SV2B: variants seen among roughly 807,000 people sequenced by gnomAD.
SV2B encodes synaptic vesicle glycoprotein 2B, also known as solute carrier family 22 member B2.
Under a neutral mutation model 73.9 loss-of-function variants are expected in SV2B, and 41 were observed. That is an observed-to-expected ratio of 0.56 (90% CI 0.43 to 0.72). The LOEUF (loss-of-function observed/expected upper bound fraction) is 0.72. SV2B is among the 30% of genes least tolerant of loss of function. SV2B has a pLI of 0.00. For missense variants in SV2B, 764 were observed against 857.8 expected (o/e 0.89, Z 1.37); for synonymous variants, 314 against 314.2 (o/e 1.00, Z 0.01).
chr15:91,251,325 T>C (rs2047473371), intron 2 of SV2B, among the ~76,000 whole-genome samples: 1 of 152,238 alleles, frequency 6.6e-6, no homozygotes, highest in Non-Finnish European at 1.5e-5. Context: ...AGACATTGGT[T>C]GTAGCTTGAA....
chr15:91,280,417 A>G lies in SV2B; in HGVS notation c.1374-1311A>G, dbSNP rs956337353. On this transcript the variant is annotated intron_variant, in intron 9 of 12. Coordinates refer to ENST00000394232, the MANE Select transcript of SV2B (RefSeq NM_001323032.3). The surrounding 1 kb of genome is among the most constrained non-coding windows in gnomAD (Gnocchi z 5.8). ...CCAATTAGACTGGAGAGCAGGGACC[A>G]TGACTTTCCTCTCTATACTCATAGC... 2.0e-5 allele frequency among the ~76,000 whole-genome samples: 3 copies of G among 152,214 alleles called. No individual in the cohort carries two copies. The highest frequency in any genetic ancestry group is 4.4e-5 in the Non-Finnish European group (3 of 68,032).
chr15:91,101,518 T>A (rs1249300409), intron 1 of SV2B, among the ~76,000 whole-genome samples: 2 of 152,212 alleles, frequency 1.3e-5, no homozygotes, highest in East Asian at 3.9e-4. Flanking sequence ...GGTTCACACC[T>A]GGTAGGGGGA....
rs1001759477 is a variant in SV2B, at chr15:91,110,649, G to A, written c.-392+10286G>A. Reference sequence around the variant, plus strand: ...TCTGCGGGAGAGGAAGAGGCACCGTGGGGTGGCCTGCCCTAGGCAAAGTGC... The same window carrying A: ...TCTGCGGGAGAGGAAGAGGCACCGTAGGGTGGCCTGCCCTAGGCAAAGTGC... On this transcript the variant is annotated intron_variant, in intron 1 of 12. Transcript: ENST00000394232. The surrounding 1 kb of genome is among the most constrained non-coding windows in gnomAD (Gnocchi z 5.4). Among the ~76,000 whole-genome samples the A allele has an allele frequency of 2.0e-5, 3 of 152,140 alleles. No individual in the cohort carries two copies. Among genetic ancestry groups the A allele is most frequent in the African/African-American group, 7.2e-5 (3 of 41,432 alleles).
At chr15:91,207,047 T>A (rs1049815058) in intron 1 of SV2B, among the ~76,000 whole-genome samples, 44 of 150,634 alleles carry the variant, frequency 2.9e-4, no homozygotes, top group African/African-American at 3.7e-4. Context: ...TTTAAAAAAA[T>A]TTTTTTTTTG....
chr15:91,106,007 G>A lies in SV2B; in HGVS notation c.-392+5644G>A, dbSNP rs929026099. Among the ~76,000 whole-genome samples the A allele has an allele frequency of 2.0e-5, 3 of 152,108 alleles. No individual in the cohort carries two copies. The highest frequency in any genetic ancestry group is 2.9e-5 in the Non-Finnish European group (2 of 68,028). On this transcript the variant is annotated intron_variant, in intron 1 of 12. Transcript: ENST00000394232. This position sits in a 1 kb window ranked among gnomAD's most constrained non-coding sequence, Gnocchi z 4.4. ...CGAGGCTGCAGTGAGTCACGATAAT[G>A]CCATTGTACTCCAGCCTGGACAATG...
Position 91,214,377 on chromosome 15 carries a change from G to C in SV2B, c.-391-11496G>C, listed in dbSNP as rs557035038. Among the ~76,000 whole-genome samples the C allele has an allele frequency of 6.6e-6, 1 of 152,350 alleles. No homozygotes were observed. Among genetic ancestry groups the C allele is most frequent in the South Asian group, 2.1e-4 (1 of 4,830 alleles). On this transcript the variant is annotated intron_variant, in intron 1 of 12. Transcript: ENST00000394232. This position sits in a 1 kb window ranked among gnomAD's most constrained non-coding sequence, Gnocchi z 4.7. ...AGGGAATACCTAGGAAGGCATATCT[G>C]TGTGTGTGTTTATATAACAATAGCT...
In SV2B at chr15:91,252,329, T is replaced by A; in HGVS notation, c.633-40T>A. The A allele has an allele frequency of 1.3e-6, 2 of 1,574,860 alleles. No homozygotes were observed. The highest frequency in any genetic ancestry group is 1.7e-6 in the Non-Finnish European group (2 of 1,158,622). On this transcript the variant is annotated intron_variant, in intron 3 of 12. Transcript: ENST00000394232. The surrounding 1 kb of genome is among the most constrained non-coding windows in gnomAD (Gnocchi z 4.6). Reference sequence around the variant, plus strand: ...GTTTCTGCTGTGACCATTTTTAGTGTATGACTTGATTCTTTCTCTCTGGCA... The same window carrying A: ...GTTTCTGCTGTGACCATTTTTAGTGAATGACTTGATTCTTTCTCTCTGGCA...
intron 2 of SV2B, 70 bp downstream of exon 2, chr15:91,226,784 A>T: frequency 1.3e-6 from 2 of 1,507,896 alleles, no homozygotes; most frequent in Non-Finnish European, 8.8e-7. Flanking sequence ...AGTATCTGTC[A>T]CTATTAGGCA....
rs2048695214 is a variant in SV2B, at chr15:91,281,923, A to G, written c.1507+62A>G. 2 of 1,528,264 alleles carry G rather than the reference A, an allele frequency of 1.3e-6. No individual in the cohort carries two copies. The highest frequency in any genetic ancestry group is 1.8e-6 in the Non-Finnish European group (2 of 1,127,760). 94.7% of individuals were successfully genotyped at this position (1,528,264 alleles called of 1,614,324 possible). A position where few individuals can be genotyped will look rare whatever the true frequency, so the allele number is the denominator to read the frequency against. On this transcript the variant is annotated intron_variant, in intron 10 of 12. Transcript: ENST00000394232. The surrounding 1 kb of genome is among the most constrained non-coding windows in gnomAD (Gnocchi z 4.7). Reference sequence around the variant, plus strand: ...CAGGAGACAACTTGTGTTGTCCAAGAATCAAAATGGTCAGGCATAAACTTT... The same window carrying G: ...CAGGAGACAACTTGTGTTGTCCAAGGATCAAAATGGTCAGGCATAAACTTT...
At position 91,197,333 on chromosome 15, in the gene SV2B, A is replaced by G. The variant is rs1255381214; in HGVS notation, c.-391-28540A>G. ...AACCTCTGCTTCCTGGGTTCAAGCA[A>G]TCCTCCTGCCTCAGCCTCCCGAGTA... On this transcript the variant is annotated intron_variant, in intron 1 of 12. Coordinates refer to ENST00000394232, the MANE Select transcript of SV2B (RefSeq NM_001323032.3). The surrounding 1 kb of genome is among the most constrained non-coding windows in gnomAD (Gnocchi z 4.9). Among the ~76,000 whole-genome samples the G allele has an allele frequency of 6.6e-6, 1 of 151,984 alleles. No individual in the cohort carries two copies. Among genetic ancestry groups the G allele is most frequent in the African/African-American group, 2.4e-5 (1 of 41,388 alleles).
rs1391000292 is a variant in SV2B at position 91,118,776 on chromosome 15, A to T, written c.-392+18413A>T. ...GGGACATCTCTCTGTCATCATCATC[A>T]TAATAGCTCTTGCTGTGATTACGCT... On this transcript the variant is annotated intron_variant, in intron 1 of 12. Coordinates refer to ENST00000394232, the MANE Select transcript of SV2B (RefSeq NM_001323032.3). The surrounding 1 kb of genome is among the most constrained non-coding windows in gnomAD (Gnocchi z 4.7). Among the ~76,000 whole-genome samples, 1 of 152,250 alleles carries T rather than the reference A, an allele frequency of 6.6e-6. No homozygotes were observed. The highest frequency in any genetic ancestry group is 1.5e-5 in the Non-Finnish European group (1 of 68,040).
chr15:91,237,955 T>G (rs180754726), intron 2 of SV2B, among the ~76,000 whole-genome samples: 28 of 152,340 alleles, frequency 1.8e-4, no homozygotes, highest in African/African-American at 6.7e-4. Context: ...TCTGTATTTA[T>G]GCAATGAGGG....
intron 1 of SV2B, among the ~76,000 whole-genome samples, chr15:91,205,612 C>G (rs1463706894): frequency 6.6e-6 from 1 of 152,134 alleles, no homozygotes; most frequent in East Asian, 1.9e-4. Context: ...GTGATCCACC[C>G]ACCTCGGCCT....
intron 2 of SV2B, among the ~76,000 whole-genome samples, chr15:91,250,750 A>C (rs1347382418): frequency 1.3e-5 from 2 of 152,216 alleles, no homozygotes; most frequent in Non-Finnish European, 2.9e-5. Flanking sequence ...AATTTAATCA[A>C]AGAAATGAAA....
Position 91,220,616 on chromosome 15 carries a change from G to T in SV2B, c.-391-5257G>T, listed in dbSNP as rs2046181575. On this transcript the variant is annotated intron_variant, in intron 1 of 12. Coordinates refer to ENST00000394232, the MANE Select transcript of SV2B (RefSeq NM_001323032.3). This position sits in a 1 kb window ranked among gnomAD's most constrained non-coding sequence, Gnocchi z 4.1. ...TGATTTTGAGTCATATAGCATAGATGCGGAGGCTAATAGAATGTAAAAGTT... is the reference window on the plus strand; with the variant it reads ...TGATTTTGAGTCATATAGCATAGATTCGGAGGCTAATAGAATGTAAAAGTT... Among the ~76,000 whole-genome samples, 1 of 152,244 alleles carries T rather than the reference G, an allele frequency of 6.6e-6. No homozygotes were observed. The highest frequency in any genetic ancestry group is 1.5e-5 in the Non-Finnish European group (1 of 68,052).
intron 7 of SV2B, 73 bp downstream of exon 7, chr15:91,266,765 C>A (rs939167958): frequency 7.9e-7 from 1 of 1,270,228 alleles, no homozygotes; most frequent in African/African-American, 1.5e-5. Flanking sequence ...ATGAAAAATG[C>A]AGCTCCTGAA....
At chr15:91,138,096 C>G (rs374439940) in intron 1 of SV2B, among the ~76,000 whole-genome samples, 32 of 152,208 alleles carry the variant, frequency 2.1e-4, no homozygotes, top group Admixed American at 1.0e-3. Flanking sequence ...ATAGAAGTAT[C>G]ACAACACTAC....
chr15:91,144,184 A>G (rs1420183823), intron 1 of SV2B, among the ~76,000 whole-genome samples: 2 of 152,258 alleles, frequency 1.3e-5, no homozygotes, highest in Non-Finnish European at 2.9e-5. Context: ...GGAACTAGCT[A>G]GAGGAATCAA....
chr15:91,183,430 T>G (rs1336315151), intron 1 of SV2B, among the ~76,000 whole-genome samples: 1 of 152,244 alleles, frequency 6.6e-6, no homozygotes, highest in Non-Finnish European at 1.5e-5. Flanking sequence ...ATAGTTCAGA[T>G]ATGAACTGTC....
Sources: allele counts gnomAD v4.1 joint callset (sites outside exome capture counted in the v4.1 genomes callset), GRCh38; gene constraint gnomAD v4.1.1; non-coding constraint Gnocchi (gnomAD v3.1); transcripts MANE v1.5; gene names NCBI Gene and HGNC (gene_info 2026-07-23, HGNC 2026-07-21).